The following VPS53 variants were observed in gnomAD, a reference collection of about 807,000 sequenced individuals.
VPS53 encodes the protein vacuolar protein sorting-associated protein 53 homolog.
In VPS53, 70 loss-of-function variants were observed where a neutral mutation model predicts 107.0. The observed-to-expected ratio is 0.65, with a 90% confidence interval of 0.54 to 0.80. The LOEUF (loss-of-function observed/expected upper bound fraction) is 0.80. Among genes scored for constraint, VPS53 ranks in the 30% least tolerant of loss-of-function variants. The pLI is 0.00. For synonymous variants in VPS53, 409 were observed against 393.3 expected, an observed-to-expected ratio of 1.04 and a Z score of -0.47; for missense variants, 917 against 1,049.4, an observed-to-expected ratio of 0.87 and a Z score of 1.74.
intron 13 of VPS53, among the ~76,000 whole-genome samples, chr17:585,986 G>C (rs1967288727): frequency 6.6e-6 from 1 of 152,090 alleles, no homozygotes; most frequent in East Asian, 1.9e-4. Context: ...GTAAAGCTTT[G>C]TGGGCTGATA....
At chr17:557,472 T>C (rs1465515237) in intron 15 of VPS53, among the ~76,000 whole-genome samples, 2 of 152,310 alleles carry the variant, frequency 1.3e-5, no homozygotes, top group East Asian at 3.9e-4. Flanking sequence ...GGGGGGACAC[T>C]TCAACCCACT....
intron 13 of VPS53, among the ~76,000 whole-genome samples, chr17:564,315 C>T (rs1009844336): frequency 2.0e-5 from 3 of 150,416 alleles, no homozygotes; most frequent in Non-Finnish European, 3.0e-5. Flanking sequence ...CCAAGGCAGG[C>T]GGATCACAAG....
At chr17:587,894 T>A (rs930594767) in intron 12 of VPS53, among the ~76,000 whole-genome samples, 6 of 152,194 alleles carry the variant, frequency 3.9e-5, no homozygotes, top group Non-Finnish European at 7.3e-5. Flanking sequence ...ACATAATTAA[T>A]GTATACATCT....
intron 17 of VPS53, among the ~76,000 whole-genome samples, chr17:541,234 T>C (rs1325452395): frequency 6.6e-6 from 1 of 152,190 alleles, no homozygotes; most frequent in African/African-American, 2.4e-5. Context: ...TCCCGCAGCA[T>C]CTGCTATATT....
intron 7 of VPS53, among the ~76,000 whole-genome samples, chr17:650,910 T>A (rs572622666): frequency 1.3e-5 from 2 of 152,246 alleles, no homozygotes; most frequent in African/African-American, 2.4e-5. Flanking sequence ...AGAAAAAAAA[T>A]ATCTAAAATA....
chr17:617,107 A>T (rs141189372), intron 11 of VPS53, among the ~76,000 whole-genome samples: 35 of 152,346 alleles, frequency 2.3e-4, no homozygotes, highest in African/African-American at 8.4e-4. Context: ...ACCAGCTCAC[A>T]GAGCCTGTCC....
chr17:574,869 C>A (rs1567640156), intron 13 of VPS53, among the ~76,000 whole-genome samples: 1 of 152,172 alleles, frequency 6.6e-6, no homozygotes. Flanking sequence ...AAGAGTCATC[C>A]AGGGGGGTTC....
chr17:644,981 C>A (rs1048884260), intron 7 of VPS53, among the ~76,000 whole-genome samples: 1 of 152,178 alleles, frequency 6.6e-6, no homozygotes, highest in African/African-American at 2.4e-5. Context: ...GTAAATCCTC[C>A]TGTGTTTGCA....
chr17:654,767 A>T (rs1468659728), intron 6 of VPS53, among the ~76,000 whole-genome samples: 3 of 151,656 alleles, frequency 2.0e-5, no homozygotes, highest in African/African-American at 7.3e-5. Context: ...AAAAAGAAAA[A>T]GACAGGATCA....
In VPS53 at chr17:562,619, C is replaced by T. The variant is rs768718407; in HGVS notation, c.1440G>A (p.Lys480=). The T allele has an allele frequency of 6.2e-7, 1 of 1,614,048 alleles. No homozygotes were observed. The highest frequency in any genetic ancestry group is 1.3e-5 in the African/African-American group (1 of 74,996). Residue 480 remains lysine, a synonymous_variant, in exon 14 of 22, where the codon AAG becomes AAA. Transcript: ENST00000437048. ...TGAGCTGAGAGCATTGCACCATGCA[C>T]TTCTTGTAGTAGACAAAGAGGTCGG... ...SCADLFVYYK[K]CMVQCSQLST... is the part of the protein sequence containing the mutation.
At chr17:706,699 T>C (rs568996125) in intron 2 of VPS53, among the ~76,000 whole-genome samples, 66 of 152,128 alleles carry the variant, frequency 4.3e-4, no homozygotes, top group Non-Finnish European at 4.1e-4. Context: ...TAAAGCTAGG[T>C]AGAGTGGGTG....
At chr17:639,457 C>A (rs536818706) in intron 7 of VPS53, among the ~76,000 whole-genome samples, 3 of 151,978 alleles carry the variant, frequency 2.0e-5, no homozygotes, top group African/African-American at 4.8e-5. Context: ...CCATTGCTGG[C>A]GAGGTGCTTT....
intron 7 of VPS53, among the ~76,000 whole-genome samples, chr17:650,839 TCA>T (rs1555572985): frequency 1.3e-5 from 2 of 152,224 alleles, no homozygotes; most frequent in Non-Finnish European, 2.9e-5. Context: ...CTGTGGTATG[TCA>T]CGCTATGGGG....
At chr17:650,429 C>T (rs1241883324) in intron 7 of VPS53, among the ~76,000 whole-genome samples, 2 of 152,006 alleles carry the variant, frequency 1.3e-5, no homozygotes, top group African/African-American at 2.4e-5. Context: ...CCCAGGAGTT[C>T]CAGGTTGCAG....
intron 13 of VPS53, among the ~76,000 whole-genome samples, chr17:579,339 G>C (rs1354864494): frequency 6.7e-6 from 1 of 149,256 alleles, no homozygotes; most frequent in Non-Finnish European, 1.5e-5. Context: ...TGCGTTCCCA[G>C]AGAAATTCCC....
Position 532,790 on chromosome 17 carries a change from T to C in VPS53, c.2085+52A>G, listed in dbSNP as rs549983444. 4.4e-6 allele frequency: 7 copies of C among 1,606,970 alleles called. No homozygotes were observed. The East Asian group carries it at 1.6e-4, about 36-fold the overall frequency. Reference sequence around the variant, plus strand: ...GATCTGGACTAGAAGAATATGTGCTTGATCTACAACAAAAGCTGCCAGGCA... The same window carrying C: ...GATCTGGACTAGAAGAATATGTGCTCGATCTACAACAAAAGCTGCCAGGCA... On this transcript the variant is annotated intron_variant, in intron 19 of 21. Transcript: ENST00000437048.
chr17:519,249 C>T lies in VPS53; in HGVS notation c.2378G>A (p.Arg793Gln). Reference protein sequence around the residue: ...QSSMLELLRQRLPAPPSGAES... With the variant: ...QSSMLELLRQQLPAPPSGAES... ...TGCCCCCGAGGGCGGTGCGGGGAGCCGCTGGCGCAGGAGTTCCAGCATGCT... is the reference window on the plus strand; with the variant it reads ...TGCCCCCGAGGGCGGTGCGGGGAGCTGCTGGCGCAGGAGTTCCAGCATGCT... Residue 793 changes from arginine (R) to glutamine (Q), a missense_variant, in exon 22 of 22, where the codon CGG becomes CAG. By Grantham distance (43) the Arg-to-Gln change is conservative. Coordinates refer to ENST00000437048, the MANE Select transcript of VPS53 (RefSeq NM_001128159.3). The surrounding 1 kb of genome is among the most constrained non-coding windows in gnomAD (Gnocchi z 5.0). 3.9e-6 allele frequency: 6 copies of T among 1,542,088 alleles called. No individual in the cohort carries two copies. The highest frequency in any genetic ancestry group is 1.2e-5 in the South Asian group (1 of 82,812).
chr17:673,340 T>G (rs1972039896), intron 4 of VPS53, among the ~76,000 whole-genome samples: 1 of 152,158 alleles, frequency 6.6e-6, no homozygotes, highest in Non-Finnish European at 1.5e-5. Context: ...CACTGAGAGC[T>G]GTTGCTATGG....
chr17:697,363 G>C (rs1973010586), intron 4 of VPS53, 55 bp downstream of exon 4: 1 of 1,448,950 alleles, frequency 6.9e-7, no homozygotes. Context: ...TTGGTCATCT[G>C]GTTGCCGGGA....
Sources: allele counts gnomAD v4.1 joint callset (sites outside exome capture counted in the v4.1 genomes callset), GRCh38; gene constraint gnomAD v4.1.1; non-coding constraint Gnocchi (gnomAD v3.1); transcripts MANE v1.5; gene names NCBI Gene and HGNC (gene_info 2026-07-23, HGNC 2026-07-21).